Variants in SUMF1 observed in about 807,000 individuals in gnomAD.
SUMF1 encodes formylglycine-generating enzyme.
Under a neutral mutation model 47.6 loss-of-function variants are expected in SUMF1, and 48 were observed. The observed-to-expected ratio is 1.01, with a 90% CI of 0.80 to 1.28. The LOEUF is 1.28. Ranked by LOEUF, SUMF1 falls within the 50% of genes most tolerant of loss-of-function variation. SUMF1 has a pLI of 0.00. For synonymous variants in SUMF1, 230 were observed against 192.1 expected (o/e 1.20, Z -1.63); for missense variants, 571 against 485.4 (o/e 1.18, Z -1.66).
At chr3:4,164,730 G>A (rs1269662101) in intron 8 of SUMF1, among the ~76,000 whole-genome samples, 2 of 152,066 alleles carry the variant, frequency 1.3e-5, no homozygotes, top group South Asian at 2.1e-4. Flanking sequence ...AGGTTGCCAG[G>A]TTTAATAATG....
chr3:4,195,276 C>G (rs1695403803), intron 8 of SUMF1, among the ~76,000 whole-genome samples: 1 of 152,080 alleles, frequency 6.6e-6, no homozygotes, highest in Admixed American at 6.6e-5. Context: ...AGGAGACAAG[C>G]TACAAGTCCC....
chr3:4,383,849 T>C (rs1366142961), intron 7 of SUMF1, among the ~76,000 whole-genome samples: 3 of 152,316 alleles, frequency 2.0e-5, no homozygotes, highest in African/African-American at 7.2e-5. Flanking sequence ...CCAGCATCCA[T>C]GACACTGTAG....
In SUMF1 at chr3:4,215,628, T is replaced by C. The variant is rs113360485; in HGVS notation, c.1015-146883A>G. 9.2e-3 allele frequency among the ~76,000 whole-genome samples: 1,408 copies of C among 152,280 alleles called. 24 individuals are homozygous for C. The highest frequency in any genetic ancestry group is 0.032 in the African/African-American group (1,340 of 41,542). On this transcript the variant is annotated intron_variant and NMD_transcript_variant, in intron 8 of 12. Transcript: ENST00000448413. ...CGTCTCTGTTTGCAGATGACATGAT[T>C]GTATATTTAGAAAACCCCATAGTCT...
chr3:4,214,455 G>A (rs1695871925), intron 8 of SUMF1, among the ~76,000 whole-genome samples: 3 of 152,092 alleles, frequency 2.0e-5, no homozygotes, highest in Non-Finnish European at 4.4e-5. Flanking sequence ...GAGAAAGCAG[G>A]AAAGATCTAA....
chr3:4,358,523 CAT>C (rs1360709251), downstream of SUMF1, among the ~76,000 whole-genome samples: 1 of 152,200 alleles, frequency 6.6e-6, no homozygotes, highest in African/African-American at 2.4e-5. Flanking sequence ...TGTTGGATCA[CAT>C]GTGGTTTAAA....
intron 8 of SUMF1, among the ~76,000 whole-genome samples, chr3:4,284,494 A>T (rs1313077524): frequency 7.5e-6 from 1 of 132,874 alleles, no homozygotes; most frequent in Non-Finnish European, 1.7e-5. Context: ...AGGAGGAGAG[A>T]AAGTACAAAA....
At chr3:4,081,302 T>C (rs1478188219) in intron 8 of SUMF1, among the ~76,000 whole-genome samples, 2 of 152,122 alleles carry the variant, frequency 1.3e-5, no homozygotes, top group African/African-American at 2.4e-5. Flanking sequence ...TTCTGCCTCA[T>C]CTAGGGTAGA....
intron 8 of SUMF1, among the ~76,000 whole-genome samples, chr3:4,238,371 G>A (rs1317818961): frequency 6.6e-6 from 1 of 152,072 alleles, no homozygotes; most frequent in African/African-American, 2.4e-5. Flanking sequence ...CACAGTGGTT[G>A]AACTAATTTA....
At chr3:4,206,223 T>C (rs1209009895) in intron 8 of SUMF1, among the ~76,000 whole-genome samples, 1 of 151,706 alleles carries the variant, frequency 6.6e-6, no homozygotes, top group Non-Finnish European at 1.5e-5. Flanking sequence ...TTGACTGGCC[T>C]TGGGGAAGGG....
intron 8 of SUMF1, among the ~76,000 whole-genome samples, chr3:4,271,123 C>T (rs182454597): frequency 2.0e-5 from 3 of 152,262 alleles, no homozygotes; most frequent in East Asian, 1.9e-4. Flanking sequence ...TCAGTCTGAT[C>T]GATTGTGCTA....
At chr3:4,059,798 A>G (rs1695248039) in intron 9 of SUMF1, among the ~76,000 whole-genome samples, 1 of 143,178 alleles carries the variant, frequency 7.0e-6, no homozygotes, top group African/African-American at 2.9e-5. Flanking sequence ...TCCCTGTGGA[A>G]AAAAAAAAAA....
intron 8 of SUMF1, among the ~76,000 whole-genome samples, chr3:4,301,412 A>G (rs1160610216): frequency 6.6e-6 from 1 of 152,254 alleles, no homozygotes; most frequent in Non-Finnish European, 1.5e-5. Flanking sequence ...TGGAGCAAAT[A>G]AGAATCTAAG....
At chr3:4,118,416 GA>G (rs986345042) in intron 8 of SUMF1, among the ~76,000 whole-genome samples, 4 of 151,794 alleles carry the variant, frequency 2.6e-5, no homozygotes, top group Non-Finnish European at 5.9e-5. Context: ...AAATAAAAGA[GA>G]AAAAAATAAG....
intron 8 of SUMF1, among the ~76,000 whole-genome samples, chr3:4,371,503 A>C (rs901301083): frequency 2.0e-5 from 3 of 152,190 alleles, no homozygotes; most frequent in African/African-American, 7.2e-5. Flanking sequence ...TGTTAAACGA[A>C]ATCATTATAG....
chr3:4,345,329 G>A (rs1284460111), intron 8 of SUMF1, among the ~76,000 whole-genome samples: 13 of 152,284 alleles, frequency 8.5e-5, no homozygotes, highest in Middle Eastern at 3.4e-3. Context: ...GACTAACAGC[G>A]GATCTCTTGG....
intron 8 of SUMF1, among the ~76,000 whole-genome samples, chr3:4,072,490 G>A (rs1416383068): frequency 2.0e-5 from 3 of 152,170 alleles, no homozygotes; most frequent in African/African-American, 7.2e-5. Context: ...AGTTTGACAA[G>A]TTGACAGAAG....
intron 8 of SUMF1, among the ~76,000 whole-genome samples, chr3:4,195,193 A>G (rs1395640409): frequency 2.6e-5 from 4 of 152,084 alleles, no homozygotes; most frequent in African/African-American, 9.7e-5. Context: ...AACATATCAT[A>G]TTTTGTCTTC....
intron 8 of SUMF1, among the ~76,000 whole-genome samples, chr3:4,369,781 T>C (rs1433589943): frequency 6.6e-6 from 1 of 152,146 alleles, no homozygotes; most frequent in African/African-American, 2.4e-5. Flanking sequence ...TCTAACAAGC[T>C]TCTAGGTGCT....
At chr3:4,297,869 T>C (rs554754398) in intron 8 of SUMF1, among the ~76,000 whole-genome samples, 21 of 152,248 alleles carry the variant, frequency 1.4e-4, no homozygotes, top group Non-Finnish European at 2.9e-5. Context: ...GGCTTCTGAA[T>C]ACAAAGCCAT....
Sources: allele counts gnomAD v4.1 joint callset (sites outside exome capture counted in the v4.1 genomes callset), GRCh38; gene constraint gnomAD v4.1.1; transcripts MANE v1.5; gene names NCBI Gene and HGNC (gene_info 2026-07-23, HGNC 2026-07-21).